The following ANXA8 variants were observed in gnomAD, a reference collection of about 807,000 sequenced individuals.
The protein encoded by ANXA8 is VAC-beta.
A neutral mutation model predicts 26.8 loss-of-function variants in ANXA8; 9 were observed. The observed-to-expected ratio is 0.34, with a 90% confidence interval of 0.20 to 0.59. The LOEUF is 0.59. ANXA8 is among the 20% of genes least tolerant of loss of function. ANXA8 has a pLI of 0.84. For synonymous variants in ANXA8, 39 were observed against 94.8 expected (o/e 0.41, Z 3.42); for missense variants, 83 against 238.5 (o/e 0.35, Z 4.29).
the ANXA8 span, among the ~76,000 whole-genome samples, chr10:47,975,568 G>A: frequency 2.5e-4 from 38 of 150,574 alleles, 1 homozygote; most frequent in South Asian, 5.3e-3. Flanking sequence ...TACAAATTCC[G>A]CTTCTGACAG....
the ANXA8 span, among the ~76,000 whole-genome samples, chr10:47,943,799 C>T: frequency 6.7e-6 from 1 of 148,566 alleles, no homozygotes; most frequent in African/African-American, 2.5e-5. Flanking sequence ...GGAAGGAGGG[C>T]TTTGGATGTG....
chr10:47,627,598 A>G, the ANXA8 span, among the ~76,000 whole-genome samples: 1 of 150,068 alleles, frequency 6.7e-6, no homozygotes, highest in Non-Finnish European at 1.5e-5. Context: ...ATACTCTTGT[A>G]ACAGTCTTGT....
chr10:47,707,565 T>A, the ANXA8 span, among the ~76,000 whole-genome samples: 1 of 139,630 alleles, frequency 7.2e-6, no homozygotes, highest in African/African-American at 2.5e-5. Flanking sequence ...TTTTGTATTT[T>A]TTGTAGAGAC....
the ANXA8 span, among the ~76,000 whole-genome samples, chr10:47,977,694 G>T: frequency 6.6e-6 from 1 of 151,548 alleles, no homozygotes; most frequent in African/African-American, 2.4e-5. Flanking sequence ...TTATTAACCA[G>T]AGGGGCTTAA....
chr10:47,688,805 G>C, the ANXA8 span, among the ~76,000 whole-genome samples: 1 of 143,738 alleles, frequency 7.0e-6, no homozygotes, highest in East Asian at 2.1e-4. Context: ...TATTTAAATG[G>C]GGCAAGTTTT....
At chr10:47,748,608 T>A in the ANXA8 span, among the ~76,000 whole-genome samples, 2 of 152,208 alleles carry the variant, frequency 1.3e-5, no homozygotes, top group African/African-American at 2.4e-5. Context: ...TCTTCTTTTC[T>A]TTTTTCTTTT....
At chr10:47,701,665 T>C in the ANXA8 span, among the ~76,000 whole-genome samples, 2 of 151,794 alleles carry the variant, frequency 1.3e-5, no homozygotes, top group African/African-American at 2.4e-5. Flanking sequence ...AAAATACCTC[T>C]GTTTATTTGT....
At chr10:47,733,149 CTTT>C in the ANXA8 span, among the ~76,000 whole-genome samples, 218 of 68,190 alleles carry the variant, frequency 3.2e-3, no homozygotes, top group Middle Eastern at 0.014. Context: ...CCTAATCTTT[CTTT>C]CTTTCTTTCT....
chr10:47,527,653 T>TGG, the ANXA8 span, among the ~76,000 whole-genome samples: 1 of 138,004 alleles, frequency 7.2e-6, no homozygotes, highest in African/African-American at 2.7e-5. Context: ...TGATTGGGCT[T>TGG]GTGTGTGTGT....
chr10:47,985,681 C>A, the ANXA8 span: 1 of 136,816 alleles, frequency 7.3e-6, no homozygotes, highest in Non-Finnish European at 1.6e-5. Context: ...TATTTCATGC[C>A]CCCTTCAGCT....
At chr10:47,503,937 C>CA in the ANXA8 span, among the ~76,000 whole-genome samples, 128 of 23,428 alleles carry the variant, frequency 5.5e-3, 6 homozygotes, top group East Asian at 0.012. Flanking sequence ...GAGAGTCCAT[C>CA]AAAAAAAAAA....
chr10:47,765,945 C>T, the ANXA8 span, among the ~76,000 whole-genome samples: 3 of 149,952 alleles, frequency 2.0e-5, no homozygotes, highest in Non-Finnish European at 4.4e-5. Context: ...CACCCTCCTT[C>T]TCCACTGCTC....
At chr10:47,470,031 A>T (rs1839277473) in intron 11 of ANXA8, among the ~76,000 whole-genome samples, 1 of 151,652 alleles carries the variant, frequency 6.6e-6, no homozygotes, top group Non-Finnish European at 1.5e-5. Context: ...GGTGTGGGCC[A>T]CTACGCCTGG....
chr10:47,679,509 G>A, the ANXA8 span, among the ~76,000 whole-genome samples: 3 of 151,986 alleles, frequency 2.0e-5, no homozygotes, highest in Non-Finnish European at 4.4e-5. Flanking sequence ...CACTTACTTG[G>A]GAGGCTGAGG....
chr10:47,730,661 A>T, the ANXA8 span, among the ~76,000 whole-genome samples: 1,211 of 149,078 alleles, frequency 8.1e-3, no homozygotes, highest in Non-Finnish European at 0.011. Context: ...TGGAGAAATG[A>T]TCTACCAGTC....
chr10:47,762,257 G>A, the ANXA8 span, among the ~76,000 whole-genome samples: 1 of 152,022 alleles, frequency 6.6e-6, no homozygotes, highest in Non-Finnish European at 1.5e-5. Context: ...ATTGCTGCTG[G>A]CCCTCACACG....
At chr10:47,924,417 GC>G in the ANXA8 span, among the ~76,000 whole-genome samples, 1 of 138,718 alleles carries the variant, frequency 7.2e-6, no homozygotes, top group Non-Finnish European at 1.6e-5. Context: ...GGACCAGACA[GC>G]CTGTCCTTGC....
upstream of ANXA8, among the ~76,000 whole-genome samples, chr10:47,484,956 C>T (rs1840004903): frequency 6.7e-6 from 1 of 149,106 alleles, no homozygotes; most frequent in African/African-American, 2.5e-5. Flanking sequence ...CACCACGCTT[C>T]CCGGGATCCA....
At chr10:47,559,860 T>C in the ANXA8 span, among the ~76,000 whole-genome samples, 10 of 152,066 alleles carry the variant, frequency 6.6e-5, no homozygotes, top group African/African-American at 2.2e-4. Flanking sequence ...TAGCTCCTCC[T>C]GTACTTCCAT....
Sources: allele counts gnomAD v4.1 joint callset (sites outside exome capture counted in the v4.1 genomes callset), GRCh38; gene constraint gnomAD v4.1.1; transcripts MANE v1.5; gene names NCBI Gene and HGNC (gene_info 2026-07-23, HGNC 2026-07-21).